Variants in UTP6 observed in about 807,000 individuals in gnomAD.
The protein encoded by UTP6 is U3 small nucleolar RNA-associated protein 6 homolog.
UTP6 carries 60 observed loss-of-function variants against 96.5 expected under a neutral mutation model. The ratio of observed to expected loss-of-function variants is 0.62; its 90% CI spans 0.51 to 0.77. UTP6 has a LOEUF of 0.77. Ranked by LOEUF, UTP6 falls within the 30% of genes least tolerant of loss-of-function variation. The pLI, the probability that UTP6 is intolerant of heterozygous loss-of-function variation, is 0.00. For missense variants in UTP6, 637 were observed against 706.5 expected (o/e 0.90, Z 1.12); for synonymous variants, 215 against 240.1 (o/e 0.90, Z 0.96).
At chr17:31,873,543 A>G (rs1197706868) in intron 15 of UTP6, 56 bp from the exon 16 acceptor site, 1 of 1,606,742 alleles carries the variant, frequency 6.2e-7, no homozygotes, top group Non-Finnish European at 8.5e-7. Context: ...TAGATACCAA[A>G]ACAGATTTTC....
chr17:31,873,857 T>C lies in UTP6; in HGVS notation c.1306-104A>G, dbSNP rs943112435. 19 of 1,301,460 alleles carry C rather than the reference T, an allele frequency of 1.5e-5. No individual in the cohort carries two copies. In the South Asian group the frequency reaches 2.4e-4, roughly 17 times the overall value. The allele number at this position is 1,301,460 out of a possible 1,614,324, so 80.6% of individuals were successfully genotyped here. ...ATTATGTATCAATTTTTTTATGCTA[T>C]AAAATGACAGTTTAGTCCTATGCTC... On this transcript the variant is annotated intron_variant, in intron 14 of 18. Transcript: ENST00000261708.
At chr17:31,880,375 C>T (rs925926712) in intron 11 of UTP6, 198 bp downstream of exon 11, 79 of 573,304 alleles carry the variant, frequency 1.4e-4, no homozygotes, top group Non-Finnish European at 2.0e-4. Flanking sequence ...GAGCCGAAAT[C>T]GAGCCACTGA....
intron 12 of UTP6, 76 bp downstream of exon 12, chr17:31,878,626 C>T (rs557758844): frequency 7.2e-7 from 1 of 1,387,204 alleles, no homozygotes; most frequent in East Asian, 2.3e-5. Flanking sequence ...TGCCAGACAC[C>T]AAAAGATCTG....
chr17:31,873,135 T>A (rs1458215511), intron 16 of UTP6: 1 of 370,680 alleles, frequency 2.7e-6, no homozygotes, highest in Non-Finnish European at 4.9e-6. Flanking sequence ...GTGCCTGTAA[T>A]CCTAGCTACT....
intron 6 of UTP6, among the ~76,000 whole-genome samples, chr17:31,890,387 AG>A (rs1438531818): frequency 2.7e-5 from 4 of 150,574 alleles, no homozygotes; most frequent in Non-Finnish European, 5.9e-5. Flanking sequence ...AGGCCGAGGC[AG>A]GCAGATCACT....
chr17:31,901,653 G>C lies in UTP6; in HGVS notation c.-26C>G, dbSNP rs529540163. The C allele has an allele frequency of 8.7e-6, 14 of 1,609,858 alleles. No homozygotes were observed. In the East Asian group the frequency reaches 2.2e-4, roughly 26 times the overall value. On this transcript the variant is annotated 5_prime_UTR_variant, in exon 1 of 19. Coordinates refer to ENST00000261708, the MANE Select transcript of UTP6 (RefSeq NM_018428.3). The stretch of plus-strand genomic sequence containing the variant: ...GAGGTCCGAGGTCTACAACCCCGCG[G>C]GTAGCTTCTCAACAGCGAACACGAG...
In UTP6 at chr17:31,863,048, G is replaced by T; in HGVS notation, c.*311C>A. The T allele has an allele frequency of 3.8e-6, 1 of 264,122 alleles. No homozygotes were observed. The highest frequency in any genetic ancestry group is 7.2e-6 in the Non-Finnish European group (1 of 138,576). 16.4% of individuals were successfully genotyped at this position (264,122 alleles called of 1,614,324 possible). On this transcript the variant is annotated 3_prime_UTR_variant, in exon 19 of 19. Transcript: ENST00000261708. The stretch of plus-strand genomic sequence containing the variant: ...TCAGCAATTCTCTTTACTGGAATCA[G>T]ATTAGCACATCAAACTGAGCAGTGT...
At chr17:31,892,726 G>C (rs370555787) in intron 5 of UTP6, 21 bp downstream of exon 5, 67 of 1,613,868 alleles carry the variant, frequency 4.2e-5, no homozygotes, top group Non-Finnish European at 5.7e-5. Flanking sequence ...GAGGAAGCAA[G>C]ACATGCATGG....
intron 4 of UTP6, 22 bp downstream of exon 4, chr17:31,894,623 T>C (rs1904526389): frequency 6.5e-7 from 1 of 1,541,026 alleles, no homozygotes; most frequent in African/African-American, 1.4e-5. Context: ...CTCATAAAGT[T>C]AAGGATGCCT....
intron 2 of UTP6, among the ~76,000 whole-genome samples, chr17:31,898,400 C>A (rs188491385): frequency 1.3e-5 from 2 of 152,120 alleles, no homozygotes; most frequent in Non-Finnish European, 2.9e-5. Flanking sequence ...GTTGTGGGCA[C>A]CTGTAATCCC....
chr17:31,875,606 C>T (rs772224447), intron 13 of UTP6, among the ~76,000 whole-genome samples, 193 bp from the exon 14 acceptor site: 2 of 152,042 alleles, frequency 1.3e-5, no homozygotes, highest in Non-Finnish European at 2.9e-5. Context: ...GGGCACATCA[C>T]GAGCTCAGGA....
At chr17:31,882,757 G>A (rs1475420206) in intron 10 of UTP6, among the ~76,000 whole-genome samples, 3 of 152,082 alleles carry the variant, frequency 2.0e-5, no homozygotes, top group Non-Finnish European at 4.4e-5. Flanking sequence ...ACCAAAAAAC[G>A]GAAGTACCCA....
intron 2 of UTP6, among the ~76,000 whole-genome samples, chr17:31,896,738 C>G (rs1178367354): frequency 6.6e-6 from 1 of 151,562 alleles, no homozygotes; most frequent in Non-Finnish European, 1.5e-5. Context: ...CCAGGTTCAA[C>G]TGATCCTCCC....
chr17:31,889,663 A>AT (rs1449556412), intron 6 of UTP6, among the ~76,000 whole-genome samples: 3 of 151,286 alleles, frequency 2.0e-5, no homozygotes, highest in African/African-American at 7.3e-5. Context: ...TGCCCGGCTA[A>AT]TTTTTTTTGT....
rs550081943 is a variant in UTP6 at position 31,876,036 on chromosome 17, C to G, written c.1126-623G>C. ...CTGTAAGTTAGGTTTTTTTGTTTTT[C>G]TTTTTCTTTTTTTTGGAGACAGAGT... On this transcript the variant is annotated intron_variant, in intron 13 of 18. Coordinates refer to ENST00000261708, the MANE Select transcript of UTP6 (RefSeq NM_018428.3). Among the ~76,000 whole-genome samples the G allele has an allele frequency of 2.6e-5, 4 of 151,432 alleles. No individual in the cohort carries two copies. In the South Asian group the frequency reaches 6.3e-4, roughly 24 times the overall value.
At chr17:31,893,992 C>A (rs1055079339) in intron 4 of UTP6, among the ~76,000 whole-genome samples, 5 of 151,538 alleles carry the variant, frequency 3.3e-5, no homozygotes, top group African/African-American at 1.2e-4. Context: ...ATATAATATA[C>A]CCAATCCCAA....
chr17:31,887,106 G>T, intron 8 of UTP6, 130 bp downstream of exon 8: 1 of 749,962 alleles, frequency 1.3e-6, no homozygotes, highest in Non-Finnish European at 2.1e-6. Context: ...CTGTGTGACA[G>T]ACCGAGACTC....
In UTP6 at chr17:31,901,603, T is replaced by C. The variant is rs766002275; in HGVS notation, c.25A>G (p.Ile9Val). The change falls in exon 1 of 19, where the codon ATA becomes GTA. Residue 9 changes from isoleucine to valine, a missense_variant. Physicochemically the swap from Ile to Val is conservative, Grantham distance 29. Coordinates refer to ENST00000261708, the MANE Select transcript of UTP6 (RefSeq NM_018428.3). MAEIIQER[I>V]EDRLPELEQL... ...TCCAATTCCGGGAGCCGATCTTCTA[T>C]GCGTTCCTGAATTATCTCTGCCATG... 1.9e-6 allele frequency: 3 copies of C among 1,614,028 alleles called. No individual in the cohort carries two copies. Among genetic ancestry groups the C allele is most frequent in the Non-Finnish European group, 2.5e-6 (3 of 1,180,038 alleles).
intron 1 of UTP6, among the ~76,000 whole-genome samples, chr17:31,900,223 A>G (rs1189706804): frequency 6.6e-6 from 1 of 152,184 alleles, no homozygotes; most frequent in Non-Finnish European, 1.5e-5. Context: ...AATCATCTTA[A>G]TCAACTCCCA....
Sources: gnomAD v4.1 joint callset for allele counts (sites outside exome capture counted in the v4.1 genomes callset) on GRCh38, gnomAD v4.1.1 for gene constraint, MANE v1.5 for transcripts, NCBI Gene and HGNC (gene_info 2026-07-23, HGNC 2026-07-21) for gene names.